Variants in XAB2 observed in about 807,000 individuals in gnomAD.
XAB2 encodes the protein pre-mRNA-splicing factor SYF1.
A neutral mutation model predicts 113.4 loss-of-function variants in XAB2; 57 were observed. The observed-to-expected ratio is 0.50, with a 90% confidence interval of 0.41 to 0.63. The LOEUF is 0.63. XAB2 is among the 20% of genes least tolerant of loss of function. XAB2 has a pLI of 0.00. For missense variants in XAB2, 1,037 were observed against 1,233.3 expected (o/e 0.84, Z 2.38); for synonymous variants, 497 against 498.8 (o/e 1.00, Z 0.05).
chr19:7,628,053 G>T lies in XAB2; in HGVS notation c.200+97C>A. 6.6e-7 allele frequency: 1 copy of T among 1,506,298 alleles called. No homozygotes were observed. Among genetic ancestry groups the T allele is most frequent in the Non-Finnish European group, 8.9e-7 (1 of 1,117,960 alleles). 93.3% of individuals were successfully genotyped at this position (1,506,298 alleles called of 1,614,324 possible). On this transcript the variant is annotated intron_variant, in intron 2 of 18. Transcript: ENST00000358368. The surrounding 1 kb of genome is among the most constrained non-coding windows in gnomAD (Gnocchi z 4.6). ...GTACAGGTCAGTGATGAAACACGAA[G>T]CAATCACCCGGGACCCGGGACCCAC...
chr19:7,622,487 C>G lies in XAB2; in HGVS notation c.1503+43G>C, dbSNP rs146285730. 1.6e-5 allele frequency: 26 copies of G among 1,613,864 alleles called. 1 individual carries two copies. In the African/African-American group the frequency reaches 2.8e-4, roughly 17 times the overall value. On this transcript the variant is annotated intron_variant, in intron 11 of 18. Transcript: ENST00000358368. ...GGAAAGGTTGGAGCTGGTTCTGGAG[C>G]TGAGTCCGGGGCCCCGTCCCTCCCC...
At chr19:7,622,185 G>C (rs2031047411) in intron 12 of XAB2, 146 bp downstream of exon 12, 1 of 775,092 alleles carries the variant, frequency 1.3e-6, no homozygotes, top group Non-Finnish European at 2.1e-6. Context: ...CAGCCTCCAG[G>C]ACGGGGAGAA....
chr19:7,623,899 T>G lies in XAB2; in HGVS notation c.968-17A>C, dbSNP rs1165262689. The G allele has an allele frequency of 3.9e-6, 6 of 1,545,204 alleles. No homozygotes were observed. Among genetic ancestry groups the G allele is most frequent in the Non-Finnish European group, 5.2e-6 (6 of 1,149,048 alleles). Reference sequence around the variant, plus strand: ...CCACATCATCTGGGAGCCGCGAACATGTTTGTCAGGGGCGGAGACCCAGGA... The same window carrying G: ...CCACATCATCTGGGAGCCGCGAACAGGTTTGTCAGGGGCGGAGACCCAGGA... On this transcript the variant is annotated splice_polypyrimidine_tract_variant and intron_variant, in intron 7 of 18. Coordinates refer to ENST00000358368, the MANE Select transcript of XAB2 (RefSeq NM_020196.3). The surrounding 1 kb of genome is among the most constrained non-coding windows in gnomAD (Gnocchi z 4.6).
chr19:7,628,923 A>G lies in XAB2; in HGVS notation c.51+554T>C, dbSNP rs1013775402. On this transcript the variant is annotated intron_variant, in intron 1 of 18. Transcript: ENST00000358368. This position sits in a 1 kb window ranked among gnomAD's most constrained non-coding sequence, Gnocchi z 4.6. ...TTATACACCAGAAGCCAAGCCTTTA[A>G]CTCTGCACACCAAGAATCTGGTGAA... Among the ~76,000 whole-genome samples the G allele has an allele frequency of 6.6e-6, 1 of 152,106 alleles. No homozygotes were observed. Among genetic ancestry groups the G allele is most frequent in the Non-Finnish European group, 1.5e-5 (1 of 68,024 alleles).
Position 7,620,419 on chromosome 19 carries a change from T to C in XAB2, c.2122A>G (p.Lys708Glu). The change falls in exon 16 of 19, where the codon AAG (lysine) becomes GAG (glutamate). Residue 708 changes from lysine (K) to glutamate (E), a missense_variant. Coordinates refer to ENST00000358368, the MANE Select transcript of XAB2 (RefSeq NM_020196.3). Reference protein sequence around the residue: ...RTTGAFWQTWKDFEVRHGNED... With the variant: ...RTTGAFWQTWEDFEVRHGNED... ...TTGCCATGCCGGACCTCAAAGTCCT[T>C]CCACGTCTGCCAGAACGCGCCGGTC... The C allele has an allele frequency of 6.2e-7, 1 of 1,610,506 alleles. No homozygotes were observed. Among genetic ancestry groups the C allele is most frequent in the Non-Finnish European group, 8.5e-7 (1 of 1,179,316 alleles).
chr19:7,627,816 C>G lies in XAB2; in HGVS notation c.236G>C (p.Arg79Pro). 1 of 1,614,020 alleles carries G rather than the reference C, an allele frequency of 6.2e-7. No homozygotes were observed. The highest frequency in any genetic ancestry group is 8.5e-7 in the Non-Finnish European group (1 of 1,179,990). Residue 79 changes from arginine to proline, a missense_variant, in exon 3 of 19, where the codon CGG becomes CCG. Physicochemically the swap from Arg to Pro is moderately radical, Grantham distance 103. Transcript: ENST00000358368. This position sits in a 1 kb window ranked among gnomAD's most constrained non-coding sequence, Gnocchi z 4.5. ...KLWYRYLKARRAQVKHRCVTD... is the reference protein window; with the variant it reads ...KLWYRYLKARPAQVKHRCVTD... ...CACACAGCGATGCTTCACCTGTGCC[C>G]GACGCGCCTTCAGGTATCGGTACCA...
Position 7,619,825 on chromosome 19 carries a change from G to A in XAB2, c.2428C>T (p.Leu810=). ...SDASREELAE[L]AQQVNPEEIQ... ...TCCTCGGGGTTGACCTGCTGTGCCA[G>A]CTCTGCCAGCTCCTCCCGGGAGGCG... Residue 810 remains leucine (L), a synonymous_variant, in exon 18 of 19, where the codon CTG becomes TTG. Transcript: ENST00000358368. The A allele has an allele frequency of 1.2e-6, 2 of 1,613,088 alleles. No individual in the cohort carries two copies. The highest frequency in any genetic ancestry group is 1.7e-6 in the Non-Finnish European group (2 of 1,179,944).
In XAB2 at chr19:7,625,788, A is replaced by C. The variant is rs561711892; in HGVS notation, c.822+92T>G. On this transcript the variant is annotated intron_variant, in intron 6 of 18. Coordinates refer to ENST00000358368, the MANE Select transcript of XAB2 (RefSeq NM_020196.3). The surrounding 1 kb of genome is among the most constrained non-coding windows in gnomAD (Gnocchi z 5.2). Reference sequence around the variant, plus strand: ...GCCACCACACCCAGCCATAAATGGCATGTTTTCTGCCTGTGCATGTGTCAA... The same window carrying C: ...GCCACCACACCCAGCCATAAATGGCCTGTTTTCTGCCTGTGCATGTGTCAA... 2 of 1,486,506 alleles carry C rather than the reference A, an allele frequency of 1.3e-6. No individual in the cohort carries two copies. Among genetic ancestry groups the C allele is most frequent in the South Asian group, 2.7e-5 (2 of 73,710 alleles). 92.1% of individuals were successfully genotyped at this position (1,486,506 alleles called of 1,614,324 possible). A position where few individuals can be genotyped will look rare whatever the true frequency, so the allele number is the denominator to read the frequency against.
Position 7,621,028 on chromosome 19 carries a change from G to A in XAB2, c.1789C>T (p.Leu597=), listed in dbSNP as rs2031020475. 3 of 1,554,614 alleles carry A rather than the reference G, an allele frequency of 1.9e-6. No individual in the cohort carries two copies. In the East Asian group the frequency reaches 7.1e-5, roughly 37 times the overall value. ...CPPKYAKTLY[L]LYAQLEEEWG... ...TCCTCCTCCAGCTGTGCGTACAGCA[G>A]GTACAAGGCTGGGCGGGGTAGGCGG... The change falls in exon 14 of 19, where the codon CTG becomes TTG. Residue 597 remains leucine, a synonymous_variant. Coordinates refer to ENST00000358368, the MANE Select transcript of XAB2 (RefSeq NM_020196.3).
In XAB2 at chr19:7,622,596, G is replaced by C. The variant is rs748725434; in HGVS notation, c.1437C>G (p.Arg479=). 1 of 1,612,938 alleles carries C rather than the reference G, an allele frequency of 6.2e-7. No homozygotes were observed. The highest frequency in any genetic ancestry group is 8.5e-7 in the Non-Finnish European group (1 of 1,180,018). The change falls in exon 11 of 19, where the codon CGC becomes CGG. Residue 479 remains arginine, a synonymous_variant. Transcript: ENST00000358368. ...ACCAGACCTTCAGTGACTTGTACAC[G>C]CGGTTCTGCACGGGCTCTGAACCAT... The part of the protein sequence containing the change: ...YFDGSEPVQN[R]VYKSLKVWSM...
At chr19:7,629,268 C>A (rs1234307672) in intron 1 of XAB2, among the ~76,000 whole-genome samples, 2 of 152,240 alleles carry the variant, frequency 1.3e-5, no homozygotes, top group Non-Finnish European at 2.9e-5. Context: ...CAGTGGTTTT[C>A]TACTCAGACC....
chr19:7,626,544 T>A (rs1242518387), intron 4 of XAB2, among the ~76,000 whole-genome samples: 3 of 151,718 alleles, frequency 2.0e-5, no homozygotes, highest in Non-Finnish European at 2.9e-5. Flanking sequence ...ACTTTTTGGG[T>A]TAGCCTTGAC....
chr19:7,627,378 GGT>G lies in XAB2; in HGVS notation c.385_386del (p.Thr129ProfsTer34). On this transcript the variant is annotated frameshift_variant, in exon 4 of 19. Coordinates refer to ENST00000358368, the MANE Select transcript of XAB2 (RefSeq NM_020196.3). LOFTEE classifies it high-confidence loss of function. The surrounding 1 kb of genome is among the most constrained non-coding windows in gnomAD (Gnocchi z 4.5). Reference sequence around the variant, plus strand: ...GGAGGGCACGGTCGAAGGTGCGGCGGGTGTGTGTGACGCGCCCCTGGTCCATG... The same window carrying G: ...GGAGGGCACGGTCGAAGGTGCGGCGGGTGTGTGACGCGCCCCTGGTCCATG... Reference protein sequence around the residue: ...FLMDQGRVTHTRRTFDRALRA... With the variant: ...FLMDQGRVTHXRRTFDRALRA... 1 of 1,610,658 alleles carries G rather than the reference GGT, an allele frequency of 6.2e-7. No individual in the cohort carries two copies. The highest frequency in any genetic ancestry group is 8.5e-7 in the Non-Finnish European group (1 of 1,178,944).
In XAB2 at chr19:7,624,200, A is replaced by C. The variant is rs2031093242; in HGVS notation, c.967+101T>G. Reference sequence around the variant, plus strand: ...TCAGCCTCCTTCCCTGCTGGCCCCCAGCTGAGCCTCCCAGGGCTGCCTCAC... The same window carrying C: ...TCAGCCTCCTTCCCTGCTGGCCCCCCGCTGAGCCTCCCAGGGCTGCCTCAC... On this transcript the variant is annotated intron_variant, in intron 7 of 18. Coordinates refer to ENST00000358368, the MANE Select transcript of XAB2 (RefSeq NM_020196.3). The surrounding 1 kb of genome is among the most constrained non-coding windows in gnomAD (Gnocchi z 4.2). The C allele has an allele frequency of 1.9e-6, 3 of 1,565,232 alleles. No individual in the cohort carries two copies. The highest frequency in any genetic ancestry group is 2.3e-5 in the South Asian group (2 of 88,120).
chr19:7,621,098 C>CCCCCCCCCCCCCCCCCCCT, intron 13 of XAB2, 37 bp downstream of exon 13: 2 of 1,495,078 alleles, frequency 1.3e-6, no homozygotes, highest in Non-Finnish European at 1.8e-6. Flanking sequence ...AAACCCAGCC[C>CCCCCCCCCCCCCCCCCCCT]GCCCGCCACC....
chr19:7,623,295 GA>G lies in XAB2; in HGVS notation c.1120-7del. 3 of 1,613,216 alleles carry G rather than the reference GA, an allele frequency of 1.9e-6. No individual in the cohort carries two copies. Among genetic ancestry groups the G allele is most frequent in the Non-Finnish European group, 2.5e-6 (3 of 1,179,972 alleles). On this transcript the variant is annotated splice_region_variant and splice_polypyrimidine_tract_variant and intron_variant, in intron 8 of 18. Transcript: ENST00000358368. The surrounding 1 kb of genome is among the most constrained non-coding windows in gnomAD (Gnocchi z 4.6). Reference sequence around the variant, plus strand: ...TCTGTGTAGGTGTTGATGATCTGGGGACAGGAGGGAGGAGGTCATATAGGAC... The same window carrying G: ...TCTGTGTAGGTGTTGATGATCTGGGGCAGGAGGGAGGAGGTCATATAGGAC...
rs540634303 is a variant in XAB2, at chr19:7,621,772, C to T, written c.1618-475G>A. On this transcript the variant is annotated intron_variant, in intron 12 of 18. Transcript: ENST00000358368. ...CCTTCCCACGGACACGCAACCCACCCCCTGGACCCCACAACCCGTCTCCTG... is the reference window on the plus strand; with the variant it reads ...CCTTCCCACGGACACGCAACCCACCTCCTGGACCCCACAACCCGTCTCCTG... 5 of 189,372 alleles carry T rather than the reference C, an allele frequency of 2.6e-5. No individual in the cohort carries two copies. In the Admixed American group the frequency reaches 2.7e-4, roughly 10 times the overall value. 11.7% of individuals were successfully genotyped at this position (189,372 alleles called of 1,614,324 possible).
intron 4 of XAB2, 38 bp from the exon 5 acceptor site, chr19:7,626,308 G>A: frequency 6.3e-7 from 1 of 1,592,856 alleles, no homozygotes; most frequent in Non-Finnish European, 8.5e-7. Context: ...TCAGTGGGGT[G>A]GCAGGGCTAC....
In XAB2 at chr19:7,620,501, C is replaced by T. The variant is rs78349437; in HGVS notation, c.2094+46G>A. ...TGTGTGCCCGTGAGCTGGCTGACTCCGCCGCAGCCCCCAACCCTGATACCC... is the reference window on the plus strand; with the variant it reads ...TGTGTGCCCGTGAGCTGGCTGACTCTGCCGCAGCCCCCAACCCTGATACCC... On this transcript the variant is annotated intron_variant, in intron 15 of 18. Transcript: ENST00000358368. 943 of 1,610,256 alleles carry T rather than the reference C, an allele frequency of 5.9e-4. 9 individuals are homozygous for T. In the East Asian group the frequency reaches 0.017, roughly 30 times the overall value.
Sources: allele counts gnomAD v4.1 joint callset (sites outside exome capture counted in the v4.1 genomes callset), GRCh38; gene constraint gnomAD v4.1.1; non-coding constraint Gnocchi (gnomAD v3.1); transcripts MANE v1.5; gene names NCBI Gene and HGNC (gene_info 2026-07-23, HGNC 2026-07-21).